The following VPS8 variants were observed in gnomAD, a reference collection of about 807,000 sequenced individuals.
The protein encoded by VPS8 is VPS8 subunit of CORVET complex.
In VPS8, 129 loss-of-function variants were observed where a neutral mutation model predicts 216.4. That is an observed-to-expected ratio of 0.60 (90% CI 0.52 to 0.69). The LOEUF (loss-of-function observed/expected upper bound fraction) is 0.69. VPS8 is among the 30% of genes least tolerant of loss of function. VPS8 has a pLI of 0.00. For missense variants in VPS8, 1,531 were observed against 1,683.5 expected, an observed-to-expected ratio of 0.91 and a Z score of 1.59; for synonymous variants, 571 against 565.4, an observed-to-expected ratio of 1.01 and a Z score of -0.14.
intron 36 of VPS8, among the ~76,000 whole-genome samples, chr3:184,947,133 C>A (rs1267182858): frequency 6.6e-6 from 1 of 152,142 alleles, no homozygotes; most frequent in Non-Finnish European, 1.5e-5. Context: ...TCCGCTGGTA[C>A]CTGCTGGTGC....
At chr3:184,925,055 C>G (rs1350851820) in intron 30 of VPS8, 74 bp downstream of exon 30, 1 of 1,512,090 alleles carries the variant, frequency 6.6e-7, no homozygotes, top group Non-Finnish European at 8.9e-7. Context: ...TACACTGTTT[C>G]CTGATGTGAC....
At chr3:184,992,142 C>T (rs1417238652) in intron 42 of VPS8, among the ~76,000 whole-genome samples, 1 of 152,172 alleles carries the variant, frequency 6.6e-6, no homozygotes. Context: ...ACAACCTATT[C>T]TGCAAGAGCC....
chr3:184,857,614 A>G (rs1303473621), intron 14 of VPS8, among the ~76,000 whole-genome samples: 1 of 152,128 alleles, frequency 6.6e-6, no homozygotes, highest in Non-Finnish European at 1.5e-5. Context: ...TTCTGTGTGT[A>G]TTCTTTTTGC....
rs146196557 is a variant in VPS8, at chr3:185,023,130, G to C, written c.4003-1206G>C. Reference sequence around the variant, plus strand: ...AAAATTTACTTAATCCCTCTCTCCTGTTCCCTGGCAACCACTGATTATCTT... The same window carrying C: ...AAAATTTACTTAATCCCTCTCTCCTCTTCCCTGGCAACCACTGATTATCTT... On this transcript the variant is annotated intron_variant, in intron 45 of 47. Coordinates refer to ENST00000625842, the MANE Select transcript of VPS8 (RefSeq NM_001009921.3). 3.3e-5 allele frequency among the ~76,000 whole-genome samples: 5 copies of C among 152,220 alleles called. No individual in the cohort carries two copies. In the East Asian group the frequency reaches 9.6e-4, roughly 29 times the overall value.
chr3:184,930,676 T>G lies in VPS8; in HGVS notation c.2898+108T>G, dbSNP rs1350717795. 72 of 757,060 alleles carry G rather than the reference T, an allele frequency of 9.5e-5. No individual in the cohort carries two copies. The Admixed American group carries it at 1.7e-3, about 18-fold the overall frequency. 46.9% of individuals were successfully genotyped at this position (757,060 alleles called of 1,614,324 possible). On this transcript the variant is annotated intron_variant, in intron 34 of 47. Coordinates refer to ENST00000625842, the MANE Select transcript of VPS8 (RefSeq NM_001009921.3). ...TGTATCATATTAAGTTGATTTAATT[T>G]AGGGTTGAAATCTTTTTCGTGTAAT...
chr3:184,945,871 G>A (rs576970058), intron 36 of VPS8, among the ~76,000 whole-genome samples: 31 of 152,324 alleles, frequency 2.0e-4, no homozygotes, highest in Non-Finnish European at 3.5e-4. Flanking sequence ...CAAGGAGCTA[G>A]GGAATGGGCA....
Position 184,838,747 on chromosome 3 carries a change from G to A in VPS8, c.480+1G>A, listed in dbSNP as rs1277591648. 6.5e-7 allele frequency: 1 copy of A among 1,542,372 alleles called. No homozygotes were observed. The highest frequency in any genetic ancestry group is 1.2e-5 in the South Asian group (1 of 80,758). ...AGATGCTGGCTTGCCTACAGCAATT[G>A]TAAGTATACTTTAACTTTTTAAAGG... On this transcript the variant is annotated splice_donor_variant, in intron 6 of 47. Coordinates refer to ENST00000625842, the MANE Select transcript of VPS8 (RefSeq NM_001009921.3). LOFTEE classifies it high-confidence loss of function.
In VPS8 at chr3:184,915,140, G is replaced by A. The variant is rs1398939937; in HGVS notation, c.2262+87G>A. ...CAAATTGCAGTTGAGGCTTACACGT[G>A]GGTCAGGAGCTATCACCTGTTGCAG... On this transcript the variant is annotated intron_variant, in intron 27 of 47. Coordinates refer to ENST00000625842, the MANE Select transcript of VPS8 (RefSeq NM_001009921.3). The A allele has an allele frequency of 1.8e-5, 26 of 1,463,190 alleles. No individual in the cohort carries two copies. The East Asian group carries it at 5.9e-4, about 33-fold the overall frequency. 90.6% of individuals were successfully genotyped at this position (1,463,190 alleles called of 1,614,324 possible).
intron 40 of VPS8, among the ~76,000 whole-genome samples, chr3:184,979,850 A>C (rs1302071366): frequency 2.0e-5 from 3 of 151,992 alleles, no homozygotes; most frequent in African/African-American, 7.3e-5. Context: ...TCATGTGTTT[A>C]GTTGGTTGTT....
intron 25 of VPS8, among the ~76,000 whole-genome samples, chr3:184,909,914 T>C (rs1205008535): frequency 6.6e-6 from 1 of 152,128 alleles, no homozygotes; most frequent in East Asian, 1.9e-4. Context: ...CACCACTGAG[T>C]ATCGTCTTCC....
chr3:185,003,955 AC>A (rs1753830850), intron 45 of VPS8, among the ~76,000 whole-genome samples: 6 of 149,256 alleles, frequency 4.0e-5, no homozygotes, highest in Admixed American at 4.0e-4. Flanking sequence ...CACATCTCAG[AC>A]GATGGGCGGC....
chr3:184,853,764 G>A (rs909411987), intron 11 of VPS8, 93 bp from the exon 12 acceptor site: 24 of 1,296,016 alleles, frequency 1.9e-5, no homozygotes, highest in Non-Finnish European at 2.6e-5. Context: ...TAAGGAGGTA[G>A]GAGGTAGGAG....
chr3:184,957,446 G>C lies in VPS8; in HGVS notation c.3108G>C (p.Leu1036Phe). ...TCACAGAGCAGTTCATTGAGCTGTT[G>C]TGTCAGTTCAACCCAACCCAAGTTA... ...PCITEQFIEL[L>F]CQFNPTQVIE... is the part of the protein sequence containing the mutation. Residue 1036 changes from leucine (L) to phenylalanine (F), a missense_variant, in exon 37 of 48, where the codon TTG becomes TTC. Physicochemically the swap from Leu to Phe is conservative, Grantham distance 22 (BLOSUM62 0). Transcript: ENST00000625842. 2 of 1,612,602 alleles carry C rather than the reference G, an allele frequency of 1.2e-6. No homozygotes were observed. Among genetic ancestry groups the C allele is most frequent in the Non-Finnish European group, 1.7e-6 (2 of 1,179,292 alleles).
At chr3:184,849,033 C>T in intron 8 of VPS8, 38 bp from the exon 9 acceptor site, 1 of 1,608,914 alleles carries the variant, frequency 6.2e-7, no homozygotes, top group Non-Finnish European at 8.5e-7. Context: ...TACTCTCTTG[C>T]ATTTCCTTCA....
At position 185,040,942 on chromosome 3, in the gene VPS8, C is replaced by T. The variant is rs377507887; in HGVS notation, c.4057-7537C>T. Among the ~76,000 whole-genome samples the T allele has an allele frequency of 1.6e-4, 25 of 152,208 alleles. 3 individuals are homozygous for T. Among genetic ancestry groups the T allele is most frequent in the Admixed American group, 9.2e-4 (14 of 15,300 alleles). ...GGTTGGCCAGGCGCGGTGGCTCATGCCTGTAATCCCAGCACTTTGGGAGGC... is the reference window on the plus strand; with the variant it reads ...GGTTGGCCAGGCGCGGTGGCTCATGTCTGTAATCCCAGCACTTTGGGAGGC... On this transcript the variant is annotated intron_variant, in intron 46 of 47. Coordinates refer to ENST00000625842, the MANE Select transcript of VPS8 (RefSeq NM_001009921.3).
intron 1 of VPS8, among the ~76,000 whole-genome samples, chr3:184,816,471 G>A (rs1224253613): frequency 6.6e-6 from 1 of 152,208 alleles, no homozygotes; most frequent in Non-Finnish European, 1.5e-5. Context: ...AACAGAAAGA[G>A]AAACAGAGGG....
chr3:184,873,880 C>T (rs1728782624), intron 21 of VPS8, among the ~76,000 whole-genome samples: 1 of 152,132 alleles, frequency 6.6e-6, no homozygotes, highest in Non-Finnish European at 1.5e-5. Context: ...TCAAATAAGG[C>T]ATTCTTGATT....
intron 46 of VPS8, among the ~76,000 whole-genome samples, chr3:185,026,291 T>G (rs1757337730): frequency 6.6e-6 from 1 of 152,166 alleles, no homozygotes; most frequent in Non-Finnish European, 1.5e-5. Flanking sequence ...CATGGGAGGA[T>G]GTGCACTGGT....
intron 11 of VPS8, among the ~76,000 whole-genome samples, chr3:184,852,811 T>C (rs1475793944): frequency 6.6e-6 from 1 of 152,200 alleles, no homozygotes; most frequent in Non-Finnish European, 1.5e-5. Flanking sequence ...AAGATTCTTA[T>C]ATGCTGTCAA....
Sources: allele counts gnomAD v4.1 joint callset (sites outside exome capture counted in the v4.1 genomes callset), GRCh38; gene constraint gnomAD v4.1.1; transcripts MANE v1.5; gene names NCBI Gene and HGNC (gene_info 2026-07-23, HGNC 2026-07-21).